Variants in RALGAPA1 observed in about 807,000 individuals in gnomAD.
RALGAPA1 encodes Ral GTPase activating protein catalytic subunit alpha 1.
RALGAPA1 carries 52 observed loss-of-function variants against 269.6 expected under a neutral mutation model. The observed-to-expected ratio is 0.19, with a 90% CI of 0.15 to 0.24. RALGAPA1 has a LOEUF of 0.24. Ranked by LOEUF, RALGAPA1 falls within the 10% of genes least tolerant of loss-of-function variation. The probability of loss-of-function intolerance (pLI) is 1.00; values close to 1 mark genes in which losing one functional copy is unlikely to be tolerated. For synonymous variants in RALGAPA1, 817 were observed against 1,008.3 expected (o/e 0.81, Z 3.60); for missense variants, 1,917 against 3,013.9 (o/e 0.64, Z 8.52).
chr14:35,747,039 A>C (rs947852576), intron 10 of RALGAPA1, among the ~76,000 whole-genome samples: 1 of 151,976 alleles, frequency 6.6e-6, no homozygotes, highest in Non-Finnish European at 1.5e-5. Context: ...AGGGCCAGGC[A>C]CAGTGGCTCA....
intron 1 of RALGAPA1, among the ~76,000 whole-genome samples, chr14:35,776,121 C>T (rs956420668): frequency 3.3e-5 from 5 of 152,166 alleles, no homozygotes; most frequent in Non-Finnish European, 2.9e-5. Flanking sequence ...TGGTGGCTCA[C>T]GCCTGTAATC....
chr14:35,761,024 TAG>T lies in RALGAPA1; in HGVS notation c.370-20_370-19del, dbSNP rs2073651293. 2 of 1,540,644 alleles carry T rather than the reference TAG, an allele frequency of 1.3e-6. No homozygotes were observed. Among genetic ancestry groups the T allele is most frequent in the Admixed American group, 3.9e-5 (2 of 50,980 alleles). ...CGCCTAATCTAAAATAAAATGAAAA[TAG>T]ACAGTATTTTTATTTATAATGGAAA... On this transcript the variant is annotated intron_variant, in intron 5 of 41. Coordinates refer to ENST00000680220, the MANE Select transcript of RALGAPA1 (RefSeq NM_001346249.2).
chr14:35,684,833 C>T (rs2065776857), intron 20 of RALGAPA1, 96 bp downstream of exon 20: 1 of 1,263,352 alleles, frequency 7.9e-7, no homozygotes, highest in Non-Finnish European at 1.1e-6. Flanking sequence ...CTAAGTAACA[C>T]TGGAGAGGAA....
chr14:35,567,372 T>G (rs867437924), intron 39 of RALGAPA1, among the ~76,000 whole-genome samples: 17 of 152,226 alleles, frequency 1.1e-4, no homozygotes, highest in Middle Eastern at 3.4e-3. Context: ...TCTTTACACA[T>G]AACAGGATTA....
At chr14:35,737,105 C>T (rs1197972540) in intron 12 of RALGAPA1, among the ~76,000 whole-genome samples, 1 of 150,814 alleles carries the variant, frequency 6.6e-6, no homozygotes, top group Non-Finnish European at 1.5e-5. Context: ...GACCAACACC[C>T]AAAATAATGG....
chr14:35,615,837 T>C (rs1243393659), intron 35 of RALGAPA1, among the ~76,000 whole-genome samples: 1 of 152,124 alleles, frequency 6.6e-6, no homozygotes, highest in South Asian at 2.1e-4. Context: ...CTGGTATGGG[T>C]TGAGCTCTAG....
In RALGAPA1 at chr14:35,555,011, G is replaced by T. The variant is rs75030056; in HGVS notation, c.7497-5777C>A. 8.1e-3 allele frequency among the ~76,000 whole-genome samples: 1,238 copies of T among 152,214 alleles called. 16 individuals are homozygous for T. Among genetic ancestry groups the T allele is most frequent in the African/African-American group, 0.028 (1,179 of 41,518 alleles). On this transcript the variant is annotated intron_variant, in intron 39 of 41. Transcript: ENST00000680220. ...TGGCTCTGTAAAGGCAAACCTTTTA[G>T]GGGGAAATATAGTTGGAACTTTCCT...
intron 39 of RALGAPA1, among the ~76,000 whole-genome samples, chr14:35,567,824 T>G (rs147984978): frequency 6.6e-6 from 1 of 152,162 alleles, no homozygotes; most frequent in African/African-American, 2.4e-5. Flanking sequence ...CATTACAATC[T>G]AATTGATCTC....
intron 12 of RALGAPA1, among the ~76,000 whole-genome samples, chr14:35,732,478 A>G (rs1258835935): frequency 6.6e-6 from 1 of 152,210 alleles, no homozygotes; most frequent in Non-Finnish European, 1.5e-5. Context: ...ATGGATAAGA[A>G]CTCACCAACC....
intron 16 of RALGAPA1, among the ~76,000 whole-genome samples, chr14:35,710,912 G>C (rs942669517): frequency 6.6e-6 from 1 of 152,220 alleles, no homozygotes; most frequent in Non-Finnish European, 1.5e-5. Flanking sequence ...GCCTAGGTAT[G>C]TAGTAGACTA....
chr14:35,719,928 A>C (rs1405192213), intron 16 of RALGAPA1, among the ~76,000 whole-genome samples: 2 of 151,702 alleles, frequency 1.3e-5, no homozygotes, highest in Non-Finnish European at 2.9e-5. Flanking sequence ...TTTTTTTTGT[A>C]TTTTTACTAC....
chr14:35,626,977 C>A, intron 34 of RALGAPA1, 113 bp downstream of exon 34: 2 of 1,080,302 alleles, frequency 1.9e-6, no homozygotes. Context: ...AGTCAAAGAA[C>A]TAATTGGTAG....
intron 22 of RALGAPA1, 37 bp downstream of exon 22, chr14:35,677,913 A>G: frequency 6.3e-7 from 1 of 1,599,348 alleles, no homozygotes; most frequent in Non-Finnish European, 8.6e-7. Flanking sequence ...TGACGCCCTA[A>G]AAGAAAAAAG....
chr14:35,590,374 T>C (rs2058562293), intron 37 of RALGAPA1, among the ~76,000 whole-genome samples: 1 of 152,224 alleles, frequency 6.6e-6, no homozygotes, highest in Non-Finnish European at 1.5e-5. Flanking sequence ...GTTGATATAG[T>C]TTGCCTTTGT....
At chr14:35,605,108 C>T (rs1056359466) in intron 36 of RALGAPA1, among the ~76,000 whole-genome samples, 11 of 152,052 alleles carry the variant, frequency 7.2e-5, no homozygotes, top group Admixed American at 5.9e-4. Flanking sequence ...CCCTCTGGGA[C>T]AATGTAGGAT....
chr14:35,799,505 T>C (rs2076821079), intron 1 of RALGAPA1, among the ~76,000 whole-genome samples: 1 of 149,970 alleles, frequency 6.7e-6, no homozygotes, highest in Non-Finnish European at 1.5e-5. Flanking sequence ...GAGGTTGCAG[T>C]GAGCCAAGAT....
intron 10 of RALGAPA1, chr14:35,748,328 T>G (rs2072325861): frequency 4.0e-6 from 1 of 249,130 alleles, no homozygotes; most frequent in African/African-American, 2.2e-5. Flanking sequence ...AAAATCTACA[T>G]GAAGAATATA....
chr14:35,654,881 A>G (rs971357668), intron 29 of RALGAPA1, among the ~76,000 whole-genome samples: 2 of 152,194 alleles, frequency 1.3e-5, no homozygotes, highest in African/African-American at 4.8e-5. Flanking sequence ...TGGCATAAAG[A>G]CAAACTTTTC....
intron 17 of RALGAPA1, among the ~76,000 whole-genome samples, chr14:35,693,844 G>T (rs955775342): frequency 6.6e-6 from 1 of 151,838 alleles, no homozygotes; most frequent in Admixed American, 6.6e-5. Flanking sequence ...ATTATTTCTA[G>T]ATTAAAAAAC....
Sources: allele counts gnomAD v4.1 joint callset (sites outside exome capture counted in the v4.1 genomes callset), GRCh38; gene constraint gnomAD v4.1.1; transcripts MANE v1.5; gene names NCBI Gene and HGNC (gene_info 2026-07-23, HGNC 2026-07-21).